Variants in GRIA4 observed in about 807,000 individuals in gnomAD.
GRIA4 encodes glutamate receptor 4.
In GRIA4, 34 loss-of-function variants were observed where a neutral mutation model predicts 104.0. The observed-to-expected ratio is 0.33, with a 90% CI of 0.25 to 0.44. The LOEUF (loss-of-function observed/expected upper bound fraction) is 0.44. GRIA4 is among the 20% of genes least tolerant of loss of function. The probability of loss-of-function intolerance (pLI) is 1.00; values close to 1 mark genes in which losing one functional copy is unlikely to be tolerated. For missense variants in GRIA4, 750 were observed against 1,096.5 expected, an observed-to-expected ratio of 0.68 and a Z score of 4.46; for synonymous variants, 386 against 381.9, an observed-to-expected ratio of 1.01 and a Z score of -0.13.
intron 14 of GRIA4, among the ~76,000 whole-genome samples, chr11:105,934,555 A>G (rs1302131316): frequency 6.6e-6 from 1 of 152,084 alleles, no homozygotes; most frequent in African/African-American, 2.4e-5. Flanking sequence ...CTCAAGTCAC[A>G]CTCCTGCCTA....
At position 105,901,643 on chromosome 11, in the gene GRIA4, A is replaced by G. The variant is rs1565328405; in HGVS notation, c.886-2171A>G. Among the ~76,000 whole-genome samples the G allele has an allele frequency of 2.6e-5, 4 of 152,306 alleles. No individual in the cohort carries two copies. In the South Asian group the frequency reaches 8.3e-4, roughly 32 times the overall value. ...CTTTTTCTTTCCGTCTATCAGCTCT[A>G]TGACCTGTCAAATCCCAGGTCTTTG... is the stretch of plus-strand genomic sequence containing the variant. On this transcript the variant is annotated intron_variant, in intron 7 of 16. Coordinates refer to ENST00000282499, the MANE Select transcript of GRIA4 (RefSeq NM_000829.4).
chr11:105,937,771 A>C (rs569558517), intron 14 of GRIA4, among the ~76,000 whole-genome samples: 32 of 152,326 alleles, frequency 2.1e-4, no homozygotes, highest in African/African-American at 7.5e-4. Context: ...CTGAAAAAAA[A>C]TAAAAATAAA....
intron 3 of GRIA4, among the ~76,000 whole-genome samples, chr11:105,705,339 T>C (rs1056952710): frequency 3.9e-5 from 6 of 152,274 alleles, no homozygotes; most frequent in African/African-American, 1.4e-4. Context: ...CAGAGGTGAA[T>C]TCCTCTTTAA....
intron 4 of GRIA4, among the ~76,000 whole-genome samples, chr11:105,769,906 T>C (rs1941132148): frequency 6.6e-6 from 1 of 152,114 alleles, no homozygotes; most frequent in African/African-American, 2.4e-5. Context: ...ATTTTAGAGA[T>C]ATTTTTCCCC....
intron 4 of GRIA4, among the ~76,000 whole-genome samples, chr11:105,756,978 G>A (rs1940347507): frequency 6.6e-6 from 1 of 152,088 alleles, no homozygotes; most frequent in Non-Finnish European, 1.5e-5. Context: ...CCAAGCCAGT[G>A]GGAGAGCAAA....
intron 4 of GRIA4, among the ~76,000 whole-genome samples, chr11:105,834,968 A>G (rs1944122416): frequency 1.3e-5 from 2 of 152,070 alleles, no homozygotes; most frequent in South Asian, 4.1e-4. Context: ...CAATATATGT[A>G]TAAGATCAGG....
At chr11:105,816,459 G>A (rs1943379172) in intron 4 of GRIA4, among the ~76,000 whole-genome samples, 1 of 152,022 alleles carries the variant, frequency 6.6e-6, no homozygotes, top group South Asian at 2.1e-4. Flanking sequence ...TCGGTCTCTT[G>A]CTCCTGCTTT....
chr11:105,807,273 C>T (rs1281445149), intron 4 of GRIA4, among the ~76,000 whole-genome samples: 1 of 151,734 alleles, frequency 6.6e-6, no homozygotes, highest in Non-Finnish European at 1.5e-5. Flanking sequence ...AAAATTATAA[C>T]AATTTTATTA....
chr11:105,642,825 G>A (rs922819766), intron 3 of GRIA4, among the ~76,000 whole-genome samples: 2 of 152,116 alleles, frequency 1.3e-5, no homozygotes, highest in African/African-American at 4.8e-5. Flanking sequence ...TTTTGTGAAA[G>A]TATAGCATGA....
rs567511032 is a variant in GRIA4 at position 105,669,463 on chromosome 11, G to A, written c.247+57029G>A. ...CCAAATTCACCCATTTAGGATACAC[G>A]ATCACATCTCCATGCTAATCTTCCT... On this transcript the variant is annotated intron_variant, in intron 3 of 16. Coordinates refer to ENST00000282499, the MANE Select transcript of GRIA4 (RefSeq NM_000829.4). 5.3e-5 allele frequency among the ~76,000 whole-genome samples: 8 copies of A among 151,872 alleles called. No individual in the cohort carries two copies. In the East Asian group the frequency reaches 9.7e-4, roughly 18 times the overall value.
At chr11:105,937,528 T>C (rs1948076994) in intron 14 of GRIA4, among the ~76,000 whole-genome samples, 1 of 152,142 alleles carries the variant, frequency 6.6e-6, no homozygotes, top group Admixed American at 6.6e-5. Flanking sequence ...TTAAAGATAT[T>C]CATAGTATCT....
intron 3 of GRIA4, among the ~76,000 whole-genome samples, chr11:105,751,361 G>C (rs1235268351): frequency 6.6e-6 from 1 of 152,178 alleles, no homozygotes; most frequent in East Asian, 1.9e-4. Flanking sequence ...AACATTTACA[G>C]ATTAGGGTCT....
At chr11:105,867,934 T>C (rs1945486385) in intron 5 of GRIA4, among the ~76,000 whole-genome samples, 1 of 152,172 alleles carries the variant, frequency 6.6e-6, no homozygotes, top group African/African-American at 2.4e-5. Flanking sequence ...ATACATTCAT[T>C]CAACGTCTGC....
chr11:105,722,038 A>G (rs897809315), intron 3 of GRIA4, among the ~76,000 whole-genome samples: 1 of 152,200 alleles, frequency 6.6e-6, no homozygotes, highest in Non-Finnish European at 1.5e-5. Context: ...TTGATATCTT[A>G]AAACATGTTC....
rs1186904331 is a variant in GRIA4 at position 105,862,111 on chromosome 11, T to C, written c.575T>C (p.Val192Ala). The change falls in exon 5 of 17, where the codon GTC (valine) becomes GCC (alanine). Residue 192 changes from valine to alanine, a missense_variant. By Grantham distance (64) the Val-to-Ala change is moderately conservative. This residue lies in a region of GRIA4 where 410 missense variants were observed against 502.7 expected (regional missense o/e 0.82). Transcript: ENST00000282499. ...SAICVENFND[V>A]SYRQLLEELD... is the part of the protein sequence containing the mutation. Reference sequence around the variant, plus strand: ...ATATGTGTGGAAAATTTTAATGATGTCAGCTATAGGCAACTTCTAGAAGAA... The same window carrying C: ...ATATGTGTGGAAAATTTTAATGATGCCAGCTATAGGCAACTTCTAGAAGAA... 1 of 1,609,532 alleles carries C rather than the reference T, an allele frequency of 6.2e-7. No individual in the cohort carries two copies. The highest frequency in any genetic ancestry group is 8.5e-7 in the Non-Finnish European group (1 of 1,176,082).
chr11:105,913,337 A>G, intron 10 of GRIA4: 4 of 617,348 alleles, frequency 6.5e-6, no homozygotes, highest in Non-Finnish European at 6.1e-6. Context: ...AGTGTTGTAT[A>G]TCTACAATGT....
chr11:105,896,280 GT>G (rs1163030158), intron 6 of GRIA4, among the ~76,000 whole-genome samples: 1 of 151,700 alleles, frequency 6.6e-6, no homozygotes, highest in African/African-American at 2.4e-5. Flanking sequence ...GGGTTATTTG[GT>G]TTTTATTTGT....
chr11:105,959,313 T>C (rs962351710), intron 14 of GRIA4, among the ~76,000 whole-genome samples: 5 of 152,216 alleles, frequency 3.3e-5, no homozygotes, highest in Non-Finnish European at 7.3e-5. Context: ...TTCATTCTTT[T>C]TTCTCTATTC....
chr11:105,650,810 T>C (rs1488278625), intron 3 of GRIA4, among the ~76,000 whole-genome samples: 1 of 152,148 alleles, frequency 6.6e-6, no homozygotes, highest in African/African-American at 2.4e-5. Flanking sequence ...AAGCTGGCTT[T>C]TCCTGTAGAA....
Sources: gnomAD v4.1 joint callset for allele counts (sites outside exome capture counted in the v4.1 genomes callset) on GRCh38, gnomAD v4.1.1 for gene constraint, gnomAD v4.1.1 regional missense constraint, MANE v1.5 for transcripts, NCBI Gene and HGNC (gene_info 2026-07-23, HGNC 2026-07-21) for gene names.